Variants in CRB1 observed in about 807,000 individuals in gnomAD.
The protein encoded by CRB1 is crumbs cell polarity complex component 1.
A neutral mutation model predicts 120.0 loss-of-function variants in CRB1; 83 were observed. That is an observed-to-expected ratio of 0.69 (90% CI 0.58 to 0.83). The LOEUF is 0.83. Ranked by LOEUF, CRB1 falls within the 40% of genes least tolerant of loss-of-function variation. The pLI is 0.00. For missense variants in CRB1, 1,699 were observed against 1,687.6 expected (o/e 1.01, Z -0.12); for synonymous variants, 625 against 612.5 (o/e 1.02, Z -0.30).
the CRB1 span, among the ~76,000 whole-genome samples, chr1:197,226,804 G>A: frequency 6.6e-6 from 1 of 152,162 alleles, no homozygotes; most frequent in East Asian, 1.9e-4. Flanking sequence ...GTTCCACATG[G>A]CTGGGGAGGC....
intron 1 of CRB1, among the ~76,000 whole-genome samples, chr1:197,285,006 T>C (rs1172645367): frequency 6.6e-6 from 1 of 151,924 alleles, no homozygotes; most frequent in Non-Finnish European, 1.5e-5. Flanking sequence ...ACTTTAAATA[T>C]TCATTACAGG....
intron 5 of CRB1, among the ~76,000 whole-genome samples, chr1:197,358,758 A>G (rs1660617556): frequency 6.6e-6 from 1 of 151,856 alleles, no homozygotes; most frequent in Admixed American, 6.6e-5. Flanking sequence ...TTATGGGCCA[A>G]CCACTACAAG....
At chr1:197,247,723 C>A in the CRB1 span, among the ~76,000 whole-genome samples, 6 of 152,176 alleles carry the variant, frequency 3.9e-5, no homozygotes, top group East Asian at 1.2e-3. Context: ...CTGTATCACA[C>A]ACCATTGCTT....
chr1:197,351,364 CAAAAAAAAAA>C (rs35672792), intron 4 of CRB1, among the ~76,000 whole-genome samples: 19 of 86,052 alleles, frequency 2.2e-4, no homozygotes, highest in African/African-American at 8.2e-4. Flanking sequence ...TGAGACTTGG[CAAAAAAAAAA>C]AAAAAAAAAA....
intron 11 of CRB1, among the ~76,000 whole-genome samples, chr1:197,464,195 C>T (rs1211846122): frequency 2.0e-5 from 3 of 152,224 alleles, no homozygotes; most frequent in Non-Finnish European, 4.4e-5. Context: ...TTACACCCAA[C>T]GCCGTCAGTG....
At chr1:197,267,802 G>A (rs1654689451), upstream of CRB1, among the ~76,000 whole-genome samples, 1 of 151,976 alleles carries the variant, frequency 6.6e-6, no homozygotes, top group Non-Finnish European at 1.5e-5. Context: ...CTGGACTTAC[G>A]ACAAAATCTG....
the CRB1 span, among the ~76,000 whole-genome samples, chr1:197,203,479 C>A: frequency 6.6e-6 from 1 of 152,104 alleles, no homozygotes; most frequent in African/African-American, 2.4e-5. Context: ...CGCATGCTAC[C>A]ACACCGGGCT....
the CRB1 span, among the ~76,000 whole-genome samples, chr1:197,204,937 AG>A: frequency 8.5e-5 from 13 of 152,136 alleles, no homozygotes; most frequent in South Asian, 1.9e-3. Flanking sequence ...ATCCATCTTG[AG>A]TTAATTTTTT....
At chr1:197,463,309 C>G (rs1666610466) in intron 11 of CRB1, among the ~76,000 whole-genome samples, 1 of 152,028 alleles carries the variant, frequency 6.6e-6, no homozygotes, top group African/African-American at 2.4e-5. Context: ...AAAACAAAAC[C>G]CTTCCACCCA....
chr1:197,369,248 G>A (rs1661241313), intron 5 of CRB1, among the ~76,000 whole-genome samples: 1 of 152,054 alleles, frequency 6.6e-6, no homozygotes, highest in Non-Finnish European at 1.5e-5. Flanking sequence ...CCTAATAAAT[G>A]ATTAATTATA....
At chr1:197,449,453 G>A (rs1461643888) in intron 11 of CRB1, among the ~76,000 whole-genome samples, 3 of 152,052 alleles carry the variant, frequency 2.0e-5, no homozygotes, top group Admixed American at 6.5e-5. Flanking sequence ...TGCAAGCTCC[G>A]CCTGCCGGGT....
intron 5 of CRB1, among the ~76,000 whole-genome samples, chr1:197,376,444 A>G (rs1168380083): frequency 3.3e-5 from 5 of 152,198 alleles, no homozygotes; most frequent in Non-Finnish European, 5.9e-5. Context: ...AAATTCACAA[A>G]ACGACAAAAA....
the CRB1 span, among the ~76,000 whole-genome samples, chr1:197,252,562 ATATATATATAT>A: frequency 2.4e-5 from 1 of 41,608 alleles, no homozygotes; most frequent in South Asian, 1.0e-3. Context: ...ATATATATAT[ATATATATATAT>A]ATATATATAT....
At chr1:197,285,323 G>A (rs1655763172) in intron 1 of CRB1, among the ~76,000 whole-genome samples, 3 of 151,838 alleles carry the variant, frequency 2.0e-5, no homozygotes, top group African/African-American at 7.2e-5. Context: ...AGATGATGGG[G>A]ACAGAAATAA....
intron 11 of CRB1, chr1:197,444,225 T>G (rs1341733614): frequency 6.6e-6 from 1 of 152,238 alleles, no homozygotes; most frequent in East Asian, 1.9e-4. Context: ...GAAAGTGTAT[T>G]CTATCTTGCA....
At chr1:197,251,092 A>G in the CRB1 span, among the ~76,000 whole-genome samples, 1 of 152,000 alleles carries the variant, frequency 6.6e-6, no homozygotes, top group Non-Finnish European at 1.5e-5. Context: ...TGGAGAGATA[A>G]TAAAACACAG....
Position 197,301,229 on chromosome 1 carries a change from G to A in CRB1, c.71-27193G>A, listed in dbSNP as rs188189512. Among the ~76,000 whole-genome samples the A allele has an allele frequency of 6.6e-5, 10 of 151,420 alleles. No individual in the cohort carries two copies. In the South Asian group the frequency reaches 1.0e-3, roughly 16 times the overall value. On this transcript the variant is annotated intron_variant, in intron 1 of 11. Coordinates refer to ENST00000367400, the MANE Select transcript of CRB1 (RefSeq NM_201253.3). ...CACCCAGGCTGGAGTGCAGTGGCGC[G>A]ACCTCGGCTCACTGCAACCTCTGCC...
intron 5 of CRB1, among the ~76,000 whole-genome samples, chr1:197,402,364 C>G (rs1453174440): frequency 3.9e-5 from 6 of 152,194 alleles, no homozygotes; most frequent in Non-Finnish European, 8.8e-5. Context: ...CTGCTCCATC[C>G]ATGTTCTCAC....
At chr1:197,291,080 T>C (rs1292411734) in intron 1 of CRB1, among the ~76,000 whole-genome samples, 1 of 151,860 alleles carries the variant, frequency 6.6e-6, no homozygotes, top group Non-Finnish European at 1.5e-5. Context: ...TAAACTTGCA[T>C]TTGAATAGGT....
Sources: allele counts gnomAD v4.1 joint callset (sites outside exome capture counted in the v4.1 genomes callset), GRCh38; gene constraint gnomAD v4.1.1; transcripts MANE v1.5; gene names NCBI Gene and HGNC (gene_info 2026-07-23, HGNC 2026-07-21).